AGAP1: variants seen among roughly 807,000 people sequenced by gnomAD.
The protein encoded by AGAP1 is ArfGAP with GTPase domain, ankyrin repeat and PH domain 1, also known as arf-GAP with GTPase, ANK repeat and PH domain-containing protein 1.
Under a neutral mutation model 105.3 loss-of-function variants are expected in AGAP1, and 29 were observed. That is an observed-to-expected ratio of 0.28 (90% CI 0.21 to 0.38). The LOEUF is 0.38. AGAP1 is among the 10% of genes least tolerant of loss of function. The pLI is 1.00. For synonymous variants in AGAP1, 509 were observed against 485.9 expected, an observed-to-expected ratio of 1.05 and a Z score of -0.63; for missense variants, 998 against 1,165.1, an observed-to-expected ratio of 0.86 and a Z score of 2.09.
intron 12 of AGAP1, among the ~76,000 whole-genome samples, chr2:235,938,938 G>A (rs1346835433): frequency 6.6e-6 from 1 of 152,146 alleles, no homozygotes; most frequent in Non-Finnish European, 1.5e-5. Context: ...TAGAGATCTA[G>A]TCCATTTGGC....
At chr2:236,023,131 C>T (rs987073445) in intron 13 of AGAP1, among the ~76,000 whole-genome samples, 1 of 152,122 alleles carries the variant, frequency 6.6e-6, no homozygotes, top group East Asian at 1.9e-4. Context: ...CACAAGGTAG[C>T]GAGTATATTC....
At chr2:235,573,057 CTTCTTTCTTCT>C (rs1944615573) in intron 1 of AGAP1, among the ~76,000 whole-genome samples, 13 of 66,704 alleles carry the variant, frequency 1.9e-4, no homozygotes, top group East Asian at 1.3e-3. Flanking sequence ...TCTTCTTCTT[CTTCTTTCTTCT>C]TTCTTCTTTC....
At position 235,989,530 on chromosome 2, in the gene AGAP1, G is replaced by A. The variant is rs1222927136; in HGVS notation, c.1645+20907G>A. Among the ~76,000 whole-genome samples the A allele has an allele frequency of 6.6e-6, 1 of 152,180 alleles. No homozygotes were observed. Among genetic ancestry groups the A allele is most frequent in the Non-Finnish European group, 1.5e-5 (1 of 68,026 alleles). ...GGAGGCAGCCCCAGGCAGGGCCTGG[G>A]CACACTGGTGGCGTAGCTGAGGGGC... On this transcript the variant is annotated intron_variant, in intron 13 of 17. Coordinates refer to ENST00000304032, the MANE Select transcript of AGAP1 (RefSeq NM_001037131.3). The surrounding 1 kb of genome is among the most constrained non-coding windows in gnomAD (Gnocchi z 4.4).
At chr2:235,763,073 C>CTGTGTGTGTGTGTGT (rs1411019322) in intron 6 of AGAP1, among the ~76,000 whole-genome samples, 24 of 148,868 alleles carry the variant, frequency 1.6e-4, no homozygotes, top group African/African-American at 5.9e-4. Context: ...CGCGCGCACA[C>CTGTGTGTGTGTGTGT]GTGCACCTGC....
In AGAP1 at chr2:235,792,502, C is replaced by T. The variant is rs751349160; in HGVS notation, c.674-5257C>T. ...CTGTGGTAAGATTTGCCTTTGAGGT[C>T]GCCCTGTGGTGTGTTAGGGGCATTT... On this transcript the variant is annotated intron_variant, in intron 6 of 17. Transcript: ENST00000304032. The surrounding 1 kb of genome is among the most constrained non-coding windows in gnomAD (Gnocchi z 5.3). 6.6e-6 allele frequency among the ~76,000 whole-genome samples: 1 copy of T among 152,164 alleles called. No individual in the cohort carries two copies. The highest frequency in any genetic ancestry group is 6.5e-5 in the Admixed American group (1 of 15,270).
At position 236,105,255 on chromosome 2, in the gene AGAP1, C is replaced by T. The variant is rs960128195; in HGVS notation, c.2115-14937C>T. Among the ~76,000 whole-genome samples the T allele has an allele frequency of 6.6e-6, 1 of 152,174 alleles. No individual in the cohort carries two copies. The highest frequency in any genetic ancestry group is 1.9e-4 in the East Asian group (1 of 5,170). ...ATCCAAAACATCCCACTTTAAGAACCCTGCATGCACACAGTCTTGCGTCAA... is the reference window on the plus strand; with the variant it reads ...ATCCAAAACATCCCACTTTAAGAACTCTGCATGCACACAGTCTTGCGTCAA... On this transcript the variant is annotated intron_variant, in intron 16 of 17. Transcript: ENST00000304032. This position sits in a 1 kb window ranked among gnomAD's most constrained non-coding sequence, Gnocchi z 4.2.
rs573221938 is a variant in AGAP1 at position 235,993,252 on chromosome 2, T to C, written c.1645+24629T>C. Among the ~76,000 whole-genome samples the C allele has an allele frequency of 6.6e-6, 1 of 152,316 alleles. No homozygotes were observed. Among genetic ancestry groups the C allele is most frequent in the East Asian group, 1.9e-4 (1 of 5,174 alleles). On this transcript the variant is annotated intron_variant, in intron 13 of 17. Coordinates refer to ENST00000304032, the MANE Select transcript of AGAP1 (RefSeq NM_001037131.3). The surrounding 1 kb of genome is among the most constrained non-coding windows in gnomAD (Gnocchi z 5.0). The stretch of plus-strand genomic sequence containing the variant: ...ACTCAGGCCAGTCTATACAATACTA[T>C]TGATATTTACTGCCTTGGAGCAGCC...
rs1487159728 is a variant in AGAP1 at position 235,877,962 on chromosome 2, A to G, written c.1051-5383A>G. On this transcript the variant is annotated intron_variant, in intron 9 of 17. Coordinates refer to ENST00000304032, the MANE Select transcript of AGAP1 (RefSeq NM_001037131.3). The surrounding 1 kb of genome is among the most constrained non-coding windows in gnomAD (Gnocchi z 4.3). The stretch of plus-strand genomic sequence containing the variant: ...CTTCCTCCCTCCACCCTGCACACCT[A>G]TGGCAGGGCCCAGACATTCAGGCAC... Among the ~76,000 whole-genome samples, 3 of 152,152 alleles carry G rather than the reference A, an allele frequency of 2.0e-5. No individual in the cohort carries two copies. Among genetic ancestry groups the G allele is most frequent in the African/African-American group, 4.8e-5 (2 of 41,446 alleles).
intron 12 of AGAP1, among the ~76,000 whole-genome samples, chr2:235,956,037 C>G (rs1405034827): frequency 1.3e-5 from 2 of 152,166 alleles, no homozygotes; most frequent in Non-Finnish European, 2.9e-5. Context: ...ATCTAATTAC[C>G]TTCCTGATTT....
At chr2:235,944,865 T>C (rs1268216771) in intron 12 of AGAP1, among the ~76,000 whole-genome samples, 2 of 152,178 alleles carry the variant, frequency 1.3e-5, no homozygotes, top group East Asian at 1.9e-4. Flanking sequence ...GGAAAAATTA[T>C]CATCCTACAC....
chr2:235,524,243 G>A (rs937474469), intron 1 of AGAP1: 15 of 156,396 alleles, frequency 9.6e-5, no homozygotes, highest in Middle Eastern at 3.4e-3. Context: ...CCTGCCCAGA[G>A]CGAGTAGGGT....
chr2:235,724,024 CAG>C lies in AGAP1; in HGVS notation c.310+6383_310+6384del, dbSNP rs997007183. Among the ~76,000 whole-genome samples the C allele has an allele frequency of 6.6e-6, 1 of 152,200 alleles. No homozygotes were observed. The highest frequency in any genetic ancestry group is 2.4e-5 in the African/African-American group (1 of 41,454). On this transcript the variant is annotated intron_variant, in intron 3 of 17. Transcript: ENST00000304032. The surrounding 1 kb of genome is among the most constrained non-coding windows in gnomAD (Gnocchi z 4.9). ...GGTGTCGTAGCCTGCTGCCGCCACA[CAG>C]AGGGATTTGCAGGGAAGGGCCTTAG...
At chr2:235,781,238 AAAGTC>A (rs2149931528) in intron 6 of AGAP1, among the ~76,000 whole-genome samples, 1 of 152,316 alleles carries the variant, frequency 6.6e-6, no homozygotes, top group African/African-American at 2.4e-5. Flanking sequence ...TAATAAAACT[AAAGTC>A]ATTAGACTTC....
chr2:236,034,427 T>C (rs1190444062), intron 13 of AGAP1, among the ~76,000 whole-genome samples: 1 of 152,012 alleles, frequency 6.6e-6, no homozygotes. Flanking sequence ...AGGTGGAGTG[T>C]TTCATTCTGC....
At chr2:235,857,494 G>C (rs1047734541) in intron 9 of AGAP1, among the ~76,000 whole-genome samples, 2 of 152,156 alleles carry the variant, frequency 1.3e-5, no homozygotes, top group African/African-American at 4.8e-5. Context: ...CCCTCCCGTT[G>C]CTCACAGTGT....
chr2:235,523,426 G>A (rs1398285608), intron 1 of AGAP1, among the ~76,000 whole-genome samples: 1 of 152,218 alleles, frequency 6.6e-6, no homozygotes, highest in African/African-American at 2.4e-5. Context: ...CATGGTGATT[G>A]TTGTGAATTT....
intron 12 of AGAP1, among the ~76,000 whole-genome samples, chr2:235,950,235 G>C (rs866189835): frequency 2.7e-4 from 41 of 152,306 alleles, no homozygotes; most frequent in African/African-American, 9.4e-4. Context: ...AGAGTGCCCA[G>C]GGAAAGTCTT....
Position 235,792,086 on chromosome 2 carries a change from C to G in AGAP1, c.674-5673C>G, listed in dbSNP as rs1458139352. Among the ~76,000 whole-genome samples, 1 of 151,368 alleles carries G rather than the reference C, an allele frequency of 6.6e-6. No individual in the cohort carries two copies. Among genetic ancestry groups the G allele is most frequent in the Admixed American group, 6.6e-5 (1 of 15,254 alleles). Reference sequence around the variant, plus strand: ...TATAATCCCTACCTAACAGTGCTTACTCGGAATTGCTCCCCCGCCTCCCAA... The same window carrying G: ...TATAATCCCTACCTAACAGTGCTTAGTCGGAATTGCTCCCCCGCCTCCCAA... On this transcript the variant is annotated intron_variant, in intron 6 of 17. Coordinates refer to ENST00000304032, the MANE Select transcript of AGAP1 (RefSeq NM_001037131.3). This position sits in a 1 kb window ranked among gnomAD's most constrained non-coding sequence, Gnocchi z 5.3.
Position 236,027,051 on chromosome 2 carries a change from CTA to C in AGAP1, c.1646-9508_1646-9507del, listed in dbSNP as rs1576103007. Among the ~76,000 whole-genome samples, 1 of 152,188 alleles carries C rather than the reference CTA, an allele frequency of 6.6e-6. No individual in the cohort carries two copies. The highest frequency in any genetic ancestry group is 1.5e-5 in the Non-Finnish European group (1 of 68,028). Reference sequence around the variant, plus strand: ...ATTTGGAGCCCAGTGGTATTATTTTCTATGTTTATTACTCCATGCAGTAGATT... The same window carrying C: ...ATTTGGAGCCCAGTGGTATTATTTTCTGTTTATTACTCCATGCAGTAGATT... On this transcript the variant is annotated intron_variant, in intron 13 of 17. Coordinates refer to ENST00000304032, the MANE Select transcript of AGAP1 (RefSeq NM_001037131.3). This position sits in a 1 kb window ranked among gnomAD's most constrained non-coding sequence, Gnocchi z 4.4.
Sources: gnomAD v4.1 joint callset for allele counts (sites outside exome capture counted in the v4.1 genomes callset) on GRCh38, gnomAD v4.1.1 for gene constraint, Gnocchi (gnomAD v3.1) non-coding constraint, MANE v1.5 for transcripts, NCBI Gene and HGNC (gene_info 2026-07-23, HGNC 2026-07-21) for gene names.